COL7A1: variants seen among roughly 807,000 people sequenced by gnomAD.
COL7A1 encodes the protein collagen alpha-1(VII) chain.
COL7A1 carries 296 observed loss-of-function variants against 456.2 expected under a neutral mutation model. The observed-to-expected ratio is 0.65, with a 90% CI of 0.59 to 0.71. The LOEUF (loss-of-function observed/expected upper bound fraction) is 0.71. COL7A1 is among the 30% of genes least tolerant of loss of function. COL7A1 has a pLI of 0.00. For synonymous variants in COL7A1, 1,464 were observed against 1,525.9 expected, an observed-to-expected ratio of 0.96 and a Z score of 0.95; for missense variants, 3,441 against 4,017.2, an observed-to-expected ratio of 0.86 and a Z score of 3.88.
rs1165737543 is a variant in COL7A1 at position 48,590,970 on chromosome 3, G to A, written c.1637-154C>T. Among the ~76,000 whole-genome samples, 2 of 152,126 alleles carry A rather than the reference G, an allele frequency of 1.3e-5. No homozygotes were observed. The highest frequency in any genetic ancestry group is 3.8e-4 in the East Asian group (2 of 5,198). ...GAGAGCTGGGATATGGCTGAAAAAAGTGAGTGCAAGACAAGGACATAGGAT... is the reference window on the plus strand; with the variant it reads ...GAGAGCTGGGATATGGCTGAAAAAAATGAGTGCAAGACAAGGACATAGGAT... On this transcript the variant is annotated intron_variant, in intron 13 of 118. Coordinates refer to ENST00000681320, the MANE Select transcript of COL7A1 (RefSeq NM_000094.4). This position sits in a 1 kb window ranked among gnomAD's most constrained non-coding sequence, Gnocchi z 4.6.
chr3:48,565,550 C>G lies in COL7A1; in HGVS notation c.8441-54G>C. 1.2e-6 allele frequency: 2 copies of G among 1,613,754 alleles called. No homozygotes were observed. Among genetic ancestry groups the G allele is most frequent in the African/African-American group, 1.3e-5 (1 of 75,032 alleles). On this transcript the variant is annotated intron_variant, in intron 115 of 118. Transcript: ENST00000681320. The surrounding 1 kb of genome is among the most constrained non-coding windows in gnomAD (Gnocchi z 4.5). ...CCTGAAGTCACCATGGGCAGCCATCCCAGCCAACCCCCCTGAGAGGACCCC... is the reference window on the plus strand; with the variant it reads ...CCTGAAGTCACCATGGGCAGCCATCGCAGCCAACCCCCCTGAGAGGACCCC...
chr3:48,570,474 T>C lies in COL7A1; in HGVS notation c.7371A>G (p.Lys2457=), dbSNP rs764257958. 2.5e-6 allele frequency: 4 copies of C among 1,613,926 alleles called. No individual in the cohort carries two copies. The highest frequency in any genetic ancestry group is 4.5e-5 in the East Asian group (2 of 44,886). ...SVGPPGASGL[K]GDKGDPGVGL... is the part of the protein sequence containing the mutation. Reference sequence around the variant, plus strand: ...CACTTGTCCCACCTACCTTGTCTCCTTTGAGTCCAGAGGCCCCAGGTGGTC... The same window carrying C: ...CACTTGTCCCACCTACCTTGTCTCCCTTGAGTCCAGAGGCCCCAGGTGGTC... Residue 2457 remains lysine (K), a synonymous_variant, in exon 97 of 119, where the codon AAA becomes AAG. Transcript: ENST00000681320. This position sits in a 1 kb window ranked among gnomAD's most constrained non-coding sequence, Gnocchi z 5.5.
intron 18 of COL7A1, 69 bp from the exon 19 acceptor site, chr3:48,589,064 G>C (rs1008314865): frequency 3.1e-6 from 5 of 1,608,106 alleles, no homozygotes; most frequent in Non-Finnish European, 4.2e-6. Flanking sequence ...GGTTGACGCA[G>C]GGGTGATCTG....
rs1427334212 is a variant in COL7A1 at position 48,586,694 on chromosome 3, G to A, written c.3277-5C>T. ...ACTGTAAGACAGCAGGCCAACCTGG[G>A]GTGGAAGGAAACACAGAGCCTGAGG... On this transcript the variant is annotated splice_region_variant and splice_polypyrimidine_tract_variant and intron_variant, in intron 25 of 118. Coordinates refer to ENST00000681320, the MANE Select transcript of COL7A1 (RefSeq NM_000094.4). The surrounding 1 kb of genome is among the most constrained non-coding windows in gnomAD (Gnocchi z 5.1). 3 of 1,577,044 alleles carry A rather than the reference G, an allele frequency of 1.9e-6. No homozygotes were observed. Among genetic ancestry groups the A allele is most frequent in the Non-Finnish European group, 2.6e-6 (3 of 1,160,592 alleles).
chr3:48,571,018 C>A lies in COL7A1; in HGVS notation c.7165-50G>T, dbSNP rs377013976. The A allele has an allele frequency of 5.5e-5, 88 of 1,611,894 alleles. No homozygotes were observed. Among genetic ancestry groups the A allele is most frequent in the African/African-American group, 8.0e-5 (6 of 74,874 alleles). ...GGAATGGTCAATGCAGGACCCCTCC[C>A]AGGACTCTCATCAGAACTCCCTCTT... is the stretch of plus-strand genomic sequence containing the variant. On this transcript the variant is annotated intron_variant, in intron 94 of 118. Transcript: ENST00000681320. The surrounding 1 kb of genome is among the most constrained non-coding windows in gnomAD (Gnocchi z 4.6).
rs1215560854 is a variant in COL7A1, at chr3:48,586,431, G to C, written c.3451C>G (p.Pro1151Ala). Residue 1151 changes from proline (P) to alanine (A), a missense_variant, in exon 27 of 119, where the codon CCT (proline) becomes GCT (alanine). By Grantham distance (27) the Pro-to-Ala change is conservative. This residue lies in a region of COL7A1 where 2,084 missense variants were observed against 2,501.3 expected (regional missense o/e 0.83). Coordinates refer to ENST00000681320, the MANE Select transcript of COL7A1 (RefSeq NM_000094.4). This position sits in a 1 kb window ranked among gnomAD's most constrained non-coding sequence, Gnocchi z 5.1. ...AHRYMLAPDA[P>A]GRRQHVPGVM... ...CCTGGTACGTGCTGGCGGCGCCCAG[G>C]AGCATCTGGTGCCAACATGTATCTG... The C allele has an allele frequency of 6.2e-7, 1 of 1,613,860 alleles. No individual in the cohort carries two copies. Among genetic ancestry groups the C allele is most frequent in the East Asian group, 2.2e-5 (1 of 44,882 alleles).
rs114519845 is a variant in COL7A1, at chr3:48,589,124, G to C, written c.2315-129C>G. The stretch of plus-strand genomic sequence containing the variant: ...ACAGGTCACTTTAGGCAGCCCTGAG[G>C]AGGAGGAGGTCAGTGCCTTGGGGTG... On this transcript the variant is annotated intron_variant, in intron 18 of 118. Transcript: ENST00000681320. The C allele has an allele frequency of 2.1e-3, 3,244 of 1,537,306 alleles. 55 individuals are homozygous for C. The African/African-American group carries it at 0.038, about 18-fold the overall frequency.
In COL7A1 at chr3:48,564,781, ACCTGTCC is replaced by A; in HGVS notation, c.8813_8818+1del. 1 of 1,613,252 alleles carries A rather than the reference ACCTGTCC, an allele frequency of 6.2e-7. No individual in the cohort carries two copies. Among genetic ancestry groups the A allele is most frequent in the Non-Finnish European group, 8.5e-7 (1 of 1,179,740 alleles). On this transcript the variant is annotated splice_donor_variant and coding_sequence_variant, in exon 118 of 119. Transcript: ENST00000681320. LOFTEE classifies it high-confidence loss of function. The surrounding 1 kb of genome is among the most constrained non-coding windows in gnomAD (Gnocchi z 6.0). ...TCCCCACGGTGGGGGCTCAGCCCAT[ACCTGTCC>A]CCTGGCTCTGGACCACCCGGGGTGG... is the stretch of plus-strand genomic sequence containing the variant.
In COL7A1 at chr3:48,593,115, A is replaced by C. The variant is rs749916706; in HGVS notation, c.669T>G (p.Pro223=). Residue 223 remains proline (P), a synonymous_variant, in exon 6 of 119, where the codon CCT becomes CCG. Coordinates refer to ENST00000681320, the MANE Select transcript of COL7A1 (RefSeq NM_000094.4). This position sits in a 1 kb window ranked among gnomAD's most constrained non-coding sequence, Gnocchi z 4.4. ...RRVCTTAGGV[P]VTRPPDDSTS... is the part of the protein sequence containing the mutation. Reference sequence around the variant, plus strand: ...GCAGGAACTCACGAGGTCGGGTCACAGGCACGCCACCAGCAGTCGTGCACA... The same window carrying C: ...GCAGGAACTCACGAGGTCGGGTCACCGGCACGCCACCAGCAGTCGTGCACA... 7 of 1,613,984 alleles carry C rather than the reference A, an allele frequency of 4.3e-6. No homozygotes were observed. Among genetic ancestry groups the C allele is most frequent in the Non-Finnish European group, 5.9e-6 (7 of 1,180,010 alleles).
chr3:48,595,182 C>G lies in COL7A1; in HGVS notation c.-1-22G>C. On this transcript the variant is annotated intron_variant, in intron 1 of 118. Transcript: ENST00000681320. Reference sequence around the variant, plus strand: ...CATCCTAGGCAGTAAAAGCCGTCAGCTAGGACCCCCGCCTCTGTCCCTTGC... The same window carrying G: ...CATCCTAGGCAGTAAAAGCCGTCAGGTAGGACCCCCGCCTCTGTCCCTTGC... 1.9e-6 allele frequency: 3 copies of G among 1,544,752 alleles called. No individual in the cohort carries two copies. The South Asian group carries it at 3.6e-5, about 18-fold the overall frequency.
chr3:48,575,937 A>G lies in COL7A1; in HGVS notation c.5821-35T>C. On this transcript the variant is annotated intron_variant, in intron 71 of 118. Transcript: ENST00000681320. The surrounding 1 kb of genome is among the most constrained non-coding windows in gnomAD (Gnocchi z 6.3). ...AAGTCTGGGTGAAGGGCTGCCCATG[A>G]CAGAGAAGCTCCTGCCTTCTGCCCC... 6.2e-7 allele frequency: 1 copy of G among 1,614,094 alleles called. No homozygotes were observed.
chr3:48,592,939 C>T lies in COL7A1; in HGVS notation c.683-1G>A, dbSNP rs2045812473. The T allele has an allele frequency of 6.2e-7, 1 of 1,613,586 alleles. No homozygotes were observed. Among genetic ancestry groups the T allele is most frequent in the African/African-American group, 1.3e-5 (1 of 74,902 alleles). ...CGTGGAGCAGAGGTCGAGTCATCCG[C>T]TGGGAATGCGGGATCAGGGGATCAG... On this transcript the variant is annotated splice_acceptor_variant, in intron 6 of 118. Transcript: ENST00000681320. LOFTEE classifies it high-confidence loss of function. The surrounding 1 kb of genome is among the most constrained non-coding windows in gnomAD (Gnocchi z 7.6).
chr3:48,583,606 CAG>C lies in COL7A1; in HGVS notation c.4349_4350del (p.Ser1450Ter). 1 of 1,614,092 alleles carries C rather than the reference CAG, an allele frequency of 6.2e-7. No homozygotes were observed. The highest frequency in any genetic ancestry group is 8.5e-7 in the Non-Finnish European group (1 of 1,180,022). On this transcript the variant is annotated frameshift_variant, in exon 41 of 119. Coordinates refer to ENST00000681320, the MANE Select transcript of COL7A1 (RefSeq NM_000094.4). LOFTEE classifies it high-confidence loss of function. The surrounding 1 kb of genome is among the most constrained non-coding windows in gnomAD (Gnocchi z 5.1). ...CCTGGGAGGCCTGGAGCTCCATCCTCAGAGTCACCCTGAAGGAGAAACACACG... is the reference window on the plus strand; with the variant it reads ...CCTGGGAGGCCTGGAGCTCCATCCTCAGTCACCCTGAAGGAGAAACACACG... ...PPGKKGEKGD[S>X]EDGAPGLPGQ...
rs1243962812 is a variant in COL7A1 at position 48,576,974 on chromosome 3, C to T, written c.5568+18G>A. On this transcript the variant is annotated intron_variant, in intron 66 of 118. Coordinates refer to ENST00000681320, the MANE Select transcript of COL7A1 (RefSeq NM_000094.4). Reference sequence around the variant, plus strand: ...GCTCCAAGCAGAGACCAGAGAGACCCCAGGTGGGGGACTTTACCTTCCTCC... The same window carrying T: ...GCTCCAAGCAGAGACCAGAGAGACCTCAGGTGGGGGACTTTACCTTCCTCC... 1.9e-6 allele frequency: 3 copies of T among 1,613,852 alleles called. No homozygotes were observed. The highest frequency in any genetic ancestry group is 1.3e-5 in the African/African-American group (1 of 74,902).
chr3:48,571,887 G>T lies in COL7A1; in HGVS notation c.7068+114C>A. 7.7e-7 allele frequency: 1 copy of T among 1,292,546 alleles called. No individual in the cohort carries two copies. Among genetic ancestry groups the T allele is most frequent in the Non-Finnish European group, 1.1e-6 (1 of 914,556 alleles). The allele number at this position is 1,292,546 out of a possible 1,614,324, so 80.1% of individuals were successfully genotyped here. On this transcript the variant is annotated intron_variant, in intron 92 of 118. Coordinates refer to ENST00000681320, the MANE Select transcript of COL7A1 (RefSeq NM_000094.4). The surrounding 1 kb of genome is among the most constrained non-coding windows in gnomAD (Gnocchi z 4.6). The stretch of plus-strand genomic sequence containing the variant: ...CAGAGAGCAGGCTCCTGGATGTTGG[G>T]ACATGCAGCCCGACTCAGGGGCTCA...
rs752128750 is a variant in COL7A1, at chr3:48,572,521, A to C, written c.6918T>G (p.Pro2306=). 6.2e-7 allele frequency: 1 copy of C among 1,611,316 alleles called. No homozygotes were observed. Among genetic ancestry groups the C allele is most frequent in the Non-Finnish European group, 8.5e-7 (1 of 1,179,196 alleles). The change falls in exon 89 of 119, where the codon CCT becomes CCG. Residue 2306 remains proline, a synonymous_variant. Coordinates refer to ENST00000681320, the MANE Select transcript of COL7A1 (RefSeq NM_000094.4). This position sits in a 1 kb window ranked among gnomAD's most constrained non-coding sequence, Gnocchi z 4.6. The part of the protein sequence containing the change: ...GAPGQAVVGL[P]GAKGEKGAPG... ...CACTCACCTTCTCTCCCTTTGCTCC[A>C]GGGAGCCCGACCACAGCCTGTGGGG... is the stretch of plus-strand genomic sequence containing the variant.
rs1025287667 is a variant in COL7A1, at chr3:48,592,605, C to G, written c.941G>C (p.Ser314Thr). 6.2e-7 allele frequency: 1 copy of G among 1,614,058 alleles called. No individual in the cohort carries two copies. The highest frequency in any genetic ancestry group is 8.5e-7 in the Non-Finnish European group (1 of 1,180,042). The change falls in exon 8 of 119, where the codon AGC becomes ACC. Residue 314 changes from serine (S) to threonine (T), a missense_variant. By Grantham distance (58) the Ser-to-Thr change is moderately conservative. Transcript: ENST00000681320. The surrounding 1 kb of genome is among the most constrained non-coding windows in gnomAD (Gnocchi z 7.6). ...QVTVIALYAN[S>T]IGEAVSGTAR... ...TGTCCCGCTCACAGCCTCCCCGATG[C>G]TGTTGGCGTAGAGGGCAATCACAGT...
intron 18 of COL7A1, 51 bp downstream of exon 18, chr3:48,589,276 G>A (rs754474023): frequency 1.9e-6 from 3 of 1,610,318 alleles, no homozygotes; most frequent in Non-Finnish European, 8.5e-7. Flanking sequence ...ACACACAGCA[G>A]GGCAGGGTAG....
chr3:48,590,301 C>T lies in COL7A1; in HGVS notation c.1962G>A (p.Gly654=). Residue 654 remains glycine, a synonymous_variant, in exon 16 of 119, where the codon GGG becomes GGA. Transcript: ENST00000681320. The surrounding 1 kb of genome is among the most constrained non-coding windows in gnomAD (Gnocchi z 4.6). ...CCTGGTAGGTGGTTCCAGGCTGCAG[C>T]CCTGTGATGTCTGTGGCAGTAGAGT... ...PPDSTATDIT[G]LQPGTTYQVA... The T allele has an allele frequency of 6.2e-7, 1 of 1,614,048 alleles. No individual in the cohort carries two copies. The highest frequency in any genetic ancestry group is 8.5e-7 in the Non-Finnish European group (1 of 1,179,996).
Sources: allele counts gnomAD v4.1 joint callset (sites outside exome capture counted in the v4.1 genomes callset), GRCh38; gene constraint gnomAD v4.1.1; regional missense constraint gnomAD v4.1.1; non-coding constraint Gnocchi (gnomAD v3.1); transcripts MANE v1.5; gene names NCBI Gene and HGNC (gene_info 2026-07-23, HGNC 2026-07-21).